SLC25A29: variants seen among roughly 807,000 people sequenced by gnomAD.
SLC25A29 encodes solute carrier family 25 member 29.
SLC25A29 carries 13 observed loss-of-function variants against 10.0 expected under a neutral mutation model. The ratio of observed to expected loss-of-function variants is 1.30; its 90% CI spans 0.85 to 2.07. The LOEUF is 2.07. SLC25A29 is among the 30% of genes most tolerant of loss of function. The pLI, the probability that SLC25A29 is intolerant of heterozygous loss-of-function variation, is 0.00. For missense variants in SLC25A29, 475 were observed against 447.6 expected (o/e 1.06, Z -0.55); for synonymous variants, 244 against 221.1 (o/e 1.10, Z -0.92).
chr14:100,299,272 TGGACTTTGG>T, intron 1 of SLC25A29: 1 of 1,047,596 alleles, frequency 9.5e-7, no homozygotes. Context: ...CCAGAGATGT[TGGACTTTGG>T]GGTCAGACCC....
chr14:100,281,451 C>CT, the SLC25A29 span: 2 of 152,176 alleles, frequency 1.3e-5, no homozygotes, highest in Non-Finnish European at 2.9e-5. Context: ...ACCTGTCTGG[C>CT]TCCGGGCCCT....
intron 2 of SLC25A29, chr14:100,296,268 TC>T: frequency 3.3e-6 from 1 of 306,022 alleles, no homozygotes; most frequent in East Asian, 8.3e-5. Context: ...ACTAATAACT[TC>T]AAAAAAAACA....
intron 1 of SLC25A29, among the ~76,000 whole-genome samples, chr14:100,301,937 C>G (rs1892584031): frequency 1.3e-5 from 2 of 152,180 alleles, no homozygotes; most frequent in Non-Finnish European, 2.9e-5. Context: ...CCCATCCCTG[C>G]CACCTTCCAT....
Position 100,301,216 on chromosome 14 carries a change from TGA to T in SLC25A29, c.35-2333_35-2332del, listed in dbSNP as rs768352868. Among the ~76,000 whole-genome samples, 22 of 151,740 alleles carry T rather than the reference TGA, an allele frequency of 1.4e-4. 1 individual carries two copies. Among genetic ancestry groups the T allele is most frequent in the East Asian group, 1.4e-3 (7 of 5,148 alleles). ...GCCTGGCCTATTCCCTTTCTTTTTT[TGA>T]GAGTCTTGCTAGTGCCGTTGCGCGA... is the stretch of plus-strand genomic sequence containing the variant. On this transcript the variant is annotated intron_variant, in intron 1 of 3. Transcript: ENST00000359232.
intron 3 of SLC25A29, 115 bp downstream of exon 3, chr14:100,293,179 G>A (rs988084309): frequency 2.7e-6 from 4 of 1,463,828 alleles, no homozygotes; most frequent in Non-Finnish European, 3.7e-6. Context: ...GTCCTGACTG[G>A]CCTCCTGGTC....
chr14:100,298,220 G>GC (rs1238386163), intron 2 of SLC25A29: 2 of 156,600 alleles, frequency 1.3e-5, no homozygotes, highest in Non-Finnish European at 2.8e-5. Flanking sequence ...GCAAGGAAGG[G>GC]CCCCGCTGGG....
the SLC25A29 span, chr14:100,279,661 G>A: frequency 6.6e-6 from 1 of 152,230 alleles, no homozygotes; most frequent in South Asian, 2.1e-4. Context: ...CTTGGACCTG[G>A]GCAGCGTCTT....
downstream of SLC25A29, among the ~76,000 whole-genome samples, chr14:100,286,477 G>A (rs966968692): frequency 2.0e-5 from 3 of 150,140 alleles, no homozygotes; most frequent in African/African-American, 7.3e-5. Flanking sequence ...GGCTGGGGGG[G>A]GGGGTGTTGC....
downstream of SLC25A29, among the ~76,000 whole-genome samples, chr14:100,287,168 A>C (rs1891559997): frequency 6.6e-6 from 1 of 152,288 alleles, no homozygotes; most frequent in African/African-American, 2.4e-5. Flanking sequence ...TGAGAAGGGC[A>C]CAAGGAGGCT....
chr14:100,298,775 C>T lies in SLC25A29; in HGVS notation c.78+67G>A, dbSNP rs199982792. On this transcript the variant is annotated intron_variant, in intron 2 of 3. Coordinates refer to ENST00000359232, the MANE Select transcript of SLC25A29 (RefSeq NM_001039355.3). ...CTGTACACGGAAACAGGCTTCCAGC[C>T]ACCCCAACCCTGTGAGCCTCTCTCC... The T allele has an allele frequency of 1.6e-3, 2,500 of 1,602,698 alleles. 4 individuals carry two copies. Among genetic ancestry groups the T allele is most frequent in the Middle Eastern group, 5.0e-3 (30 of 6,038 alleles).
downstream of SLC25A29, among the ~76,000 whole-genome samples, chr14:100,289,054 C>T (rs1044292611): frequency 3.3e-5 from 5 of 152,182 alleles, no homozygotes; most frequent in South Asian, 2.1e-4. Flanking sequence ...ATGGTGGCAG[C>T]GATCGGAGCG....
rs1891743995 is a variant in SLC25A29, at chr14:100,292,161, C to T, written c.*122G>A. Reference sequence around the variant, plus strand: ...ACCCAGCTGATCAGCAAAATTCAGCCCACGTCTGATAGACTCCACAGCTCG... The same window carrying T: ...ACCCAGCTGATCAGCAAAATTCAGCTCACGTCTGATAGACTCCACAGCTCG... On this transcript the variant is annotated 3_prime_UTR_variant, in exon 4 of 4. Transcript: ENST00000359232. 1 of 1,335,890 alleles carries T rather than the reference C, an allele frequency of 7.5e-7. No individual in the cohort carries two copies. Among genetic ancestry groups the T allele is most frequent in the Non-Finnish European group, 1.0e-6 (1 of 971,356 alleles). 82.8% of individuals were successfully genotyped at this position (1,335,890 alleles called of 1,614,324 possible).
downstream of SLC25A29, among the ~76,000 whole-genome samples, chr14:100,286,487 C>T (rs1344708721): frequency 4.0e-5 from 4 of 99,400 alleles, no homozygotes; most frequent in Admixed American, 1.0e-4. Context: ...GGGGGTGTTG[C>T]TTGCAGAGGG....
downstream of SLC25A29, among the ~76,000 whole-genome samples, chr14:100,290,347 G>A (rs1035852768): frequency 2.0e-5 from 3 of 152,232 alleles, no homozygotes; most frequent in African/African-American, 7.2e-5. Context: ...AGCTTCCCCT[G>A]GTTTATTTCA....
intron 1 of SLC25A29, chr14:100,305,905 T>C (rs1892908733): frequency 8.7e-6 from 3 of 346,318 alleles, no homozygotes. Flanking sequence ...CGGGGGGCAG[T>C]GGGGCATCCT....
At chr14:100,287,036 G>A (rs1394185950), downstream of SLC25A29, among the ~76,000 whole-genome samples, 1 of 152,268 alleles carries the variant, frequency 6.6e-6, no homozygotes, top group African/African-American at 2.4e-5. Flanking sequence ...GCATAGGGCT[G>A]AGCCATCCCT....
At chr14:100,288,596 C>T (rs74910863), downstream of SLC25A29, among the ~76,000 whole-genome samples, 1 of 150,084 alleles carries the variant, frequency 6.7e-6, no homozygotes, top group African/African-American at 2.5e-5. Flanking sequence ...CCCCAGCCCC[C>T]ACCCACCCCT....
intron 1 of SLC25A29, 119 bp downstream of exon 1, chr14:100,306,080 C>A (rs1892923773): frequency 2.9e-6 from 2 of 683,022 alleles, no homozygotes; most frequent in East Asian, 7.0e-5. Flanking sequence ...ACTGTGGTCC[C>A]CATTCACAGA....
At chr14:100,299,275 A>T (rs980797415) in intron 1 of SLC25A29, 2 of 1,042,890 alleles carry the variant, frequency 1.9e-6, no homozygotes, top group Non-Finnish European at 1.2e-6. Flanking sequence ...GAGATGTTGG[A>T]CTTTGGGGTC....
Sources: gnomAD v4.1 joint callset for allele counts (sites outside exome capture counted in the v4.1 genomes callset) on GRCh38, gnomAD v4.1.1 for gene constraint, MANE v1.5 for transcripts, NCBI Gene and HGNC (gene_info 2026-07-23, HGNC 2026-07-21) for gene names.